The following ASCC3 variants were observed in gnomAD, a reference collection of about 807,000 sequenced individuals.
ASCC3 encodes ASC-1 complex subunit P200.
Under a neutral mutation model 256.3 loss-of-function variants are expected in ASCC3, and 158 were observed. That is an observed-to-expected ratio of 0.62 (90% CI 0.54 to 0.70). The LOEUF (loss-of-function observed/expected upper bound fraction) is 0.70. Among genes scored for constraint, ASCC3 ranks in the 30% least tolerant of loss-of-function variants. The probability of loss-of-function intolerance (pLI) is 0.00; values close to 1 mark genes in which losing one functional copy is unlikely to be tolerated. For synonymous variants in ASCC3, 948 were observed against 883.4 expected (o/e 1.07, Z -1.30); for missense variants, 2,259 against 2,626.0 (o/e 0.86, Z 3.05).
intron 26 of ASCC3, among the ~76,000 whole-genome samples, chr6:100,629,419 T>C (rs1774421952): frequency 6.6e-6 from 1 of 152,164 alleles, no homozygotes; most frequent in African/African-American, 2.4e-5. Context: ...TATCTAACTT[T>C]TATACAGATA....
At chr6:100,764,548 A>G (rs1781562531) in intron 10 of ASCC3, among the ~76,000 whole-genome samples, 1 of 152,256 alleles carries the variant, frequency 6.6e-6, no homozygotes, top group African/African-American at 2.4e-5. Context: ...CTGATGTCAT[A>G]TATAAGGCAC....
At chr6:100,789,677 G>C (rs570240078) in intron 8 of ASCC3, among the ~76,000 whole-genome samples, 3 of 151,890 alleles carry the variant, frequency 2.0e-5, no homozygotes, top group African/African-American at 4.8e-5. Flanking sequence ...AGAAGAAAGA[G>C]GTCCCTATAA....
chr6:100,613,684 G>A (rs916640320), intron 30 of ASCC3, among the ~76,000 whole-genome samples: 2 of 152,028 alleles, frequency 1.3e-5, no homozygotes, highest in African/African-American at 2.4e-5. Flanking sequence ...TTTTCTTCGG[G>A]TAGACACCTA....
In ASCC3 at chr6:100,647,294, A is replaced by T. The variant is rs986568230; in HGVS notation, c.3410T>A (p.Ile1137Asn). The T allele has an allele frequency of 6.2e-7, 1 of 1,613,498 alleles. No individual in the cohort carries two copies. Among genetic ancestry groups the T allele is most frequent in the Non-Finnish European group, 8.5e-7 (1 of 1,179,904 alleles). ...CTTTTTTTCTTCTAATCTTGTTAGG[A>T]TGTGTGGTGGTAGGATTGAAAATTG... ...LRQFSILPPH[I>N]LTRLEEKKLT... The change falls in exon 21 of 42, where the codon ATC becomes AAC. Residue 1137 changes from isoleucine to asparagine, a missense_variant. By Grantham distance (149) the Ile-to-Asn change is moderately radical. Transcript: ENST00000369162.
chr6:100,609,942 T>C (rs1399424864), intron 30 of ASCC3, among the ~76,000 whole-genome samples: 1 of 152,090 alleles, frequency 6.6e-6, no homozygotes, highest in African/African-American at 2.4e-5. Flanking sequence ...AAGTCCAGTT[T>C]CTTTGTTTCA....
chr6:100,524,866 G>A (rs1774489399), intron 37 of ASCC3, among the ~76,000 whole-genome samples: 1 of 151,700 alleles, frequency 6.6e-6, no homozygotes, highest in African/African-American at 2.4e-5. Flanking sequence ...AATGTATCTA[G>A]TGTTAGTATA....
intron 36 of ASCC3, among the ~76,000 whole-genome samples, chr6:100,573,204 C>T (rs1199232264): frequency 6.6e-6 from 1 of 152,004 alleles, no homozygotes. Flanking sequence ...CTCCTATTTA[C>T]CTACTGGGCT....
chr6:100,768,952 A>T (rs889319210), intron 8 of ASCC3, among the ~76,000 whole-genome samples: 5 of 152,154 alleles, frequency 3.3e-5, no homozygotes, highest in Non-Finnish European at 7.4e-5. Flanking sequence ...ATGAAATAGC[A>T]CACCTCCTTA....
At chr6:100,548,187 GAC>G (rs1219723428) in intron 36 of ASCC3, among the ~76,000 whole-genome samples, 1 of 151,800 alleles carries the variant, frequency 6.6e-6, no homozygotes, top group Non-Finnish European at 1.5e-5. Flanking sequence ...AGAAAAATAA[GAC>G]AACTTTTGAT....
At chr6:100,706,246 C>A (rs1370023704) in intron 13 of ASCC3, among the ~76,000 whole-genome samples, 1 of 151,084 alleles carries the variant, frequency 6.6e-6, no homozygotes, top group Non-Finnish European at 1.5e-5. Flanking sequence ...TGGATATATA[C>A]AAATCACCTA....
At chr6:100,657,438 T>G (rs887609593) in intron 16 of ASCC3, among the ~76,000 whole-genome samples, 1 of 151,452 alleles carries the variant, frequency 6.6e-6, no homozygotes, top group African/African-American at 2.4e-5. Context: ...TTTGGTGATA[T>G]AGCTAAAAAT....
chr6:100,639,392 T>C (rs1206295618), intron 24 of ASCC3, among the ~76,000 whole-genome samples: 1 of 152,186 alleles, frequency 6.6e-6, no homozygotes, highest in Non-Finnish European at 1.5e-5. Flanking sequence ...GATTTAGTTG[T>C]TTCTTATTAT....
chr6:100,584,475 T>C (rs1361594566), intron 36 of ASCC3, among the ~76,000 whole-genome samples: 1 of 152,178 alleles, frequency 6.6e-6, no homozygotes, highest in Non-Finnish European at 1.5e-5. Context: ...TGAGCCTATG[T>C]GTGTCTCTGC....
chr6:100,671,430 C>A (rs1776737668), intron 14 of ASCC3, among the ~76,000 whole-genome samples: 1 of 152,020 alleles, frequency 6.6e-6, no homozygotes, highest in Admixed American at 6.6e-5. Flanking sequence ...TCCACAGAAG[C>A]CATTTGAGAT....
At chr6:100,530,669 T>C (rs1191739229) in intron 37 of ASCC3, 8 of 876,338 alleles carry the variant, frequency 9.1e-6, no homozygotes, top group Non-Finnish European at 1.6e-5. Flanking sequence ...AATTAGGATG[T>C]GACAGCATAG....
chr6:100,517,420 T>A (rs976813325), intron 38 of ASCC3, among the ~76,000 whole-genome samples: 1 of 152,124 alleles, frequency 6.6e-6, no homozygotes, highest in African/African-American at 2.4e-5. Context: ...CAATTAAACA[T>A]TGCCAACCCT....
chr6:100,783,985 A>G (rs1782573528), intron 8 of ASCC3, among the ~76,000 whole-genome samples: 3 of 152,158 alleles, frequency 2.0e-5, no homozygotes, highest in Admixed American at 2.0e-4. Context: ...GAGTTTAAAG[A>G]ACTTAACCAG....
intron 36 of ASCC3, among the ~76,000 whole-genome samples, chr6:100,558,421 T>G (rs1206813665): frequency 6.6e-6 from 1 of 152,148 alleles, no homozygotes; most frequent in Non-Finnish European, 1.5e-5. Flanking sequence ...AATTAAGGAT[T>G]GATTCAATAA....
chr6:100,773,179 T>C (rs965777424), intron 8 of ASCC3, among the ~76,000 whole-genome samples: 49 of 152,310 alleles, frequency 3.2e-4, no homozygotes, highest in Non-Finnish European at 5.4e-4. Flanking sequence ...ATAATATTTA[T>C]AAATCATATA....
Sources: gnomAD v4.1 joint callset for allele counts (sites outside exome capture counted in the v4.1 genomes callset) on GRCh38, gnomAD v4.1.1 for gene constraint, MANE v1.5 for transcripts, NCBI Gene and HGNC (gene_info 2026-07-23, HGNC 2026-07-21) for gene names.